RNF152: variants seen among roughly 807,000 people sequenced by gnomAD.
RNF152 encodes E3 ubiquitin-protein ligase RNF152.
RNF152 carries 11 observed loss-of-function variants against 12.7 expected under a neutral mutation model. The observed-to-expected ratio is 0.86, with a 90% CI of 0.54 to 1.43. The LOEUF (loss-of-function observed/expected upper bound fraction) is 1.43. Among genes scored for constraint, RNF152 ranks in the 40% most tolerant of loss-of-function variants. The pLI is 0.00. For missense variants in RNF152, 255 were observed against 274.8 expected, an observed-to-expected ratio of 0.93 and a Z score of 0.51; for synonymous variants, 113 against 120.3, an observed-to-expected ratio of 0.94 and a Z score of 0.40.
At chr18:61,889,523 T>C (rs773286238) in intron 1 of RNF152, among the ~76,000 whole-genome samples, 1 of 152,126 alleles carries the variant, frequency 6.6e-6, no homozygotes, top group Non-Finnish European at 1.5e-5. Context: ...CAACTCTTTT[T>C]AGGGAGAGTG....
chr18:61,870,869 A>G (rs1911959950), intron 1 of RNF152, among the ~76,000 whole-genome samples: 1 of 151,976 alleles, frequency 6.6e-6, no homozygotes, highest in Non-Finnish European at 1.5e-5. Flanking sequence ...AACCCATCAC[A>G]CACATTGCAC....
chr18:61,850,819 C>T (rs1350797799), intron 1 of RNF152, among the ~76,000 whole-genome samples: 1 of 152,176 alleles, frequency 6.6e-6, no homozygotes. Flanking sequence ...ACCTTGCAGC[C>T]TCCCCCTGAG....
At chr18:61,877,049 A>T (rs1344390592) in intron 1 of RNF152, among the ~76,000 whole-genome samples, 1 of 152,194 alleles carries the variant, frequency 6.6e-6, no homozygotes, top group African/African-American at 2.4e-5. Flanking sequence ...CAAAGGATTG[A>T]ATCCTGTGCA....
chr18:61,833,612 C>T (rs117502517), intron 1 of RNF152, among the ~76,000 whole-genome samples: 7,350 of 152,236 alleles, frequency 0.048, 237 homozygotes, highest in Non-Finnish European at 0.068. Context: ...TAACTGAACA[C>T]GAGGGCCGTC....
At chr18:61,885,687 A>T (rs1912657383) in intron 1 of RNF152, among the ~76,000 whole-genome samples, 1 of 152,110 alleles carries the variant, frequency 6.6e-6, no homozygotes, top group Non-Finnish European at 1.5e-5. Context: ...TCATAATAAC[A>T]CTCTCATAAT....
chr18:61,842,696 C>T (rs1910506350), intron 1 of RNF152, among the ~76,000 whole-genome samples: 1 of 152,178 alleles, frequency 6.6e-6, no homozygotes, highest in South Asian at 2.1e-4. Context: ...AATGGACTCA[C>T]AGTTCCACAT....
chr18:61,815,701 G>A lies in RNF152; in HGVS notation c.*151C>T. 1 of 754,424 alleles carries A rather than the reference G, an allele frequency of 1.3e-6. No homozygotes were observed. Among genetic ancestry groups the A allele is most frequent in the East Asian group, 2.6e-5 (1 of 38,640 alleles). The allele number at this position is 754,424 out of a possible 1,614,324, so 46.7% of individuals were successfully genotyped here. A position where few individuals can be genotyped will look rare whatever the true frequency, so the allele number is the denominator to read the frequency against. On this transcript the variant is annotated 3_prime_UTR_variant, in exon 2 of 2. Coordinates refer to ENST00000312828, the MANE Select transcript of RNF152 (RefSeq NM_173557.3). ...GTTGAGACCGCACCTTCTGCCCTTT[G>A]TGTCTGTCTTGGGGTAATCAAGAGG...
chr18:61,892,432 C>T (rs895444848), intron 1 of RNF152, among the ~76,000 whole-genome samples: 4 of 152,144 alleles, frequency 2.6e-5, no homozygotes, highest in African/African-American at 9.7e-5. Context: ...ACAAAGGATA[C>T]CCCACCTCTA....
intron 1 of RNF152, among the ~76,000 whole-genome samples, chr18:61,821,696 T>TGGTG (rs1168497400): frequency 3.9e-5 from 6 of 152,186 alleles, no homozygotes; most frequent in African/African-American, 1.4e-4. Context: ...GGAACCAGGC[T>TGGTG]ACATAGCAGA....
At chr18:61,834,006 G>A (rs1343032186) in intron 1 of RNF152, among the ~76,000 whole-genome samples, 2 of 152,158 alleles carry the variant, frequency 1.3e-5, no homozygotes, top group African/African-American at 4.8e-5. Context: ...TCAGCAAGTC[G>A]TCATTCACTC....
Position 61,861,587 on chromosome 18 carries a change from C to A in RNF152, c.-136+31208G>T, listed in dbSNP as rs569154607. 1.6e-4 allele frequency among the ~76,000 whole-genome samples: 25 copies of A among 152,254 alleles called. No individual in the cohort carries two copies. The South Asian group carries it at 1.7e-3, about 10-fold the overall frequency. ...ACATGTTACGCTTAGTGTCTTAGTC[C>A]ATTTAGTGTTGCTAGATAGGAATAC... On this transcript the variant is annotated intron_variant, in intron 1 of 1. Transcript: ENST00000312828.
Position 61,812,368 on chromosome 18 carries a change from G to C in RNF152, c.*3484C>G, listed in dbSNP as rs1176176048. On this transcript the variant is annotated 3_prime_UTR_variant, in exon 2 of 2. Transcript: ENST00000312828. ...AGTGCCAATCTAGAAGATCTCACAG[G>C]TTATACCATCACATGGTTTAACCTT... 1 of 152,024 alleles carries C rather than the reference G, an allele frequency of 6.6e-6. No individual in the cohort carries two copies. The highest frequency in any genetic ancestry group is 1.5e-5 in the Non-Finnish European group (1 of 68,004). The allele number at this position is 152,024 out of a possible 1,614,324, so 9.4% of individuals were successfully genotyped here.
chr18:61,887,726 G>C (rs1912763847), intron 1 of RNF152, among the ~76,000 whole-genome samples: 1 of 147,758 alleles, frequency 6.8e-6, no homozygotes, highest in South Asian at 2.1e-4. Flanking sequence ...AAAAAAGAAT[G>C]CTCCCTATTT....
intron 1 of RNF152, among the ~76,000 whole-genome samples, chr18:61,836,335 G>A (rs978328553): frequency 6.6e-6 from 1 of 152,064 alleles, no homozygotes; most frequent in Non-Finnish European, 1.5e-5. Context: ...GCTATAGGCC[G>A]AATGTCTGTG....
chr18:61,820,331 CA>C (rs1344591753), intron 1 of RNF152, among the ~76,000 whole-genome samples: 509 of 39,934 alleles, frequency 0.013, 119 homozygotes, highest in Admixed American at 0.07. Context: ...TCCGTCTCAC[CA>C]AAAAAAAAAA....
chr18:61,816,269 G>A lies in RNF152; in HGVS notation c.195C>T (p.Ser65=), dbSNP rs374977073. 160 of 1,614,108 alleles carry A rather than the reference G, an allele frequency of 9.9e-5. No individual in the cohort carries two copies. Among genetic ancestry groups the A allele is most frequent in the Non-Finnish European group, 1.2e-4 (142 of 1,180,054 alleles). The change falls in exon 2 of 2, where the codon TCC becomes TCT. Residue 65 remains serine, a synonymous_variant. Coordinates refer to ENST00000312828, the MANE Select transcript of RNF152 (RefSeq NM_173557.3). ...CCGGGTCGTCCGGGAGCTGCGACAC[G>A]GAGAAGCCGGGAGGCAGCTTGGTGA... ...RGVTKLPPGF[S]VSQLPDDPEV...
intron 1 of RNF152, among the ~76,000 whole-genome samples, chr18:61,862,360 C>G (rs774126340): frequency 1.3e-5 from 2 of 152,202 alleles, no homozygotes; most frequent in Admixed American, 6.5e-5. Flanking sequence ...GGATCAGGGA[C>G]TGCCCAGAGA....
chr18:61,880,101 C>T (rs1255202819), intron 1 of RNF152, among the ~76,000 whole-genome samples: 1 of 152,060 alleles, frequency 6.6e-6, no homozygotes, highest in Middle Eastern at 3.2e-3. Context: ...CTTCTAGAAA[C>T]AATTCACACC....
At position 61,811,904 on chromosome 18, in the gene RNF152, AT is replaced by A. The variant is rs1263736347; in HGVS notation, c.*3947del. On this transcript the variant is annotated 3_prime_UTR_variant, in exon 2 of 2. Coordinates refer to ENST00000312828, the MANE Select transcript of RNF152 (RefSeq NM_173557.3). ...CTAATGATCCCAGAAAAGGGGCTTA[AT>A]AAAGCATTCTTTAAGCTTCACTGAT... is the stretch of plus-strand genomic sequence containing the variant. The A allele has an allele frequency of 6.6e-6, 1 of 152,260 alleles. No homozygotes were observed. The highest frequency in any genetic ancestry group is 6.5e-5 in the Admixed American group (1 of 15,276). The allele number at this position is 152,260 out of a possible 1,614,324, so 9.4% of individuals were successfully genotyped here.
Sources: gnomAD v4.1 joint callset for allele counts (sites outside exome capture counted in the v4.1 genomes callset) on GRCh38, gnomAD v4.1.1 for gene constraint, MANE v1.5 for transcripts, NCBI Gene and HGNC (gene_info 2026-07-23, HGNC 2026-07-21) for gene names.